The following ADGRD1 variants were observed in gnomAD, a reference collection of about 807,000 sequenced individuals.
ADGRD1 encodes adhesion G protein-coupled receptor D1, also known as G-protein coupled receptor 133.
ADGRD1 carries 77 observed loss-of-function variants against 113.4 expected under a neutral mutation model. That is an observed-to-expected ratio of 0.68 (90% CI 0.57 to 0.82). ADGRD1 has a LOEUF of 0.82. Ranked by LOEUF, ADGRD1 falls within the 40% of genes least tolerant of loss-of-function variation. The pLI is 0.00. For synonymous variants in ADGRD1, 474 were observed against 475.0 expected, an observed-to-expected ratio of 1.00 and a Z score of 0.03; for missense variants, 1,036 against 1,139.1, an observed-to-expected ratio of 0.91 and a Z score of 1.30.
intron 18 of ADGRD1, among the ~76,000 whole-genome samples, chr12:131,111,103 T>C (rs1950336690): frequency 6.6e-6 from 1 of 152,120 alleles, no homozygotes; most frequent in South Asian, 2.1e-4. Flanking sequence ...TTTACTTTTT[T>C]TTTTTCTTTT....
intron 18 of ADGRD1, among the ~76,000 whole-genome samples, chr12:131,112,981 G>C (rs575631373): frequency 6.6e-6 from 1 of 152,286 alleles, no homozygotes; most frequent in East Asian, 1.9e-4. Context: ...CAAAGTTGGG[G>C]GGAATGAGAA....
At chr12:131,025,233 G>A (rs1022061444) in intron 13 of ADGRD1, among the ~76,000 whole-genome samples, 1 of 152,210 alleles carries the variant, frequency 6.6e-6, no homozygotes, top group African/African-American at 2.4e-5. Flanking sequence ...TTATCATACC[G>A]AAAGAGGATG....
intron 13 of ADGRD1, among the ~76,000 whole-genome samples, chr12:131,032,446 G>A (rs189153995): frequency 1.7e-4 from 26 of 152,100 alleles, no homozygotes; most frequent in Admixed American, 1.4e-3. Context: ...TGCCTCCGCT[G>A]ACACGTCCCC....
intron 13 of ADGRD1, among the ~76,000 whole-genome samples, chr12:131,045,797 C>A (rs1198079458): frequency 6.6e-6 from 1 of 152,138 alleles, no homozygotes; most frequent in Non-Finnish European, 1.5e-5. Flanking sequence ...GAGGGAGCTG[C>A]CCTGCGGTCC....
Position 131,115,957 on chromosome 12 carries a change from C to T in ADGRD1, c.2042-2428C>T, listed in dbSNP as rs1280160950. Among the ~76,000 whole-genome samples, 4 of 152,216 alleles carry T rather than the reference C, an allele frequency of 2.6e-5. 1 individual carries two copies. Among genetic ancestry groups the T allele is most frequent in the East Asian group, 3.9e-4 (2 of 5,162 alleles). On this transcript the variant is annotated intron_variant, in intron 18 of 24. Transcript: ENST00000261654. ...TTCCTTGTAGATGCACAGCTGGTCCCGGGCAGCCCCAGGAATAGAACGAGG... is the reference window on the plus strand; with the variant it reads ...TTCCTTGTAGATGCACAGCTGGTCCTGGGCAGCCCCAGGAATAGAACGAGG...
intron 15 of ADGRD1, among the ~76,000 whole-genome samples, chr12:131,101,373 C>CTTTTTTTTTTTTTTT (rs796951608): frequency 2.5e-5 from 2 of 79,352 alleles, no homozygotes; most frequent in Non-Finnish European, 4.7e-5. Flanking sequence ...CTTTTTCTTT[C>CTTTTTTTTTTTTTTT]TTTCTTTTTT....
At chr12:131,006,426 C>G (rs1403970648) in intron 12 of ADGRD1, among the ~76,000 whole-genome samples, 1 of 152,236 alleles carries the variant, frequency 6.6e-6, no homozygotes, top group African/African-American at 2.4e-5. Context: ...CATTTCACAT[C>G]AGCTTAAGTG....
In ADGRD1 at chr12:131,076,894, G is replaced by T; in HGVS notation, c.1547+20G>T. 6.2e-7 allele frequency: 1 copy of T among 1,606,946 alleles called. No homozygotes were observed. Among genetic ancestry groups the T allele is most frequent in the Non-Finnish European group, 8.5e-7 (1 of 1,173,384 alleles). On this transcript the variant is annotated intron_variant, in intron 14 of 24. Coordinates refer to ENST00000261654, the MANE Select transcript of ADGRD1 (RefSeq NM_198827.5). The stretch of plus-strand genomic sequence containing the variant: ...CTTCAGGTACCCTCTGCACAGGGGA[G>T]AGCAGGTGGGCATGAGGTGTCCAAG...
At position 131,000,384 on chromosome 12, in the gene ADGRD1, CCTT is replaced by C; in HGVS notation, c.972_974del (p.Phe324del). 3 of 1,612,786 alleles carry C rather than the reference CCTT, an allele frequency of 1.9e-6. No homozygotes were observed. The highest frequency in any genetic ancestry group is 2.5e-6 in the Non-Finnish European group (3 of 1,178,992). On this transcript the variant is annotated inframe_deletion and splice_region_variant, in exon 9 of 25. Coordinates refer to ENST00000261654, the MANE Select transcript of ADGRD1 (RefSeq NM_198827.5). ...CAGTGTCATTTTGTCCACCTTTAGA[CCTT>C]CTTAAAAGCCGTGGGAGAGATCCTT... is the stretch of plus-strand genomic sequence containing the variant.
intron 2 of ADGRD1, among the ~76,000 whole-genome samples, chr12:130,960,886 G>A (rs1870269293): frequency 6.6e-6 from 1 of 152,146 alleles, no homozygotes; most frequent in Non-Finnish European, 1.5e-5. Context: ...ATGAGGGGAG[G>A]GGTCCTGTGA....
intron 13 of ADGRD1, among the ~76,000 whole-genome samples, chr12:131,029,346 T>C (rs1470916202): frequency 6.6e-6 from 1 of 152,192 alleles, no homozygotes; most frequent in African/African-American, 2.4e-5. Context: ...TGCCTCCCTC[T>C]GTCAAGATCC....
rs537475034 is a variant in ADGRD1, at chr12:131,077,573, G to A, written c.1547+699G>A. ...CGTGAATGGCTCCCACAGTCACAGCGGTGTTGAAAACTCAGCTCCCCGCAG... is the reference window on the plus strand; with the variant it reads ...CGTGAATGGCTCCCACAGTCACAGCAGTGTTGAAAACTCAGCTCCCCGCAG... On this transcript the variant is annotated intron_variant, in intron 14 of 24. Transcript: ENST00000261654. Among the ~76,000 whole-genome samples, 8 of 152,178 alleles carry A rather than the reference G, an allele frequency of 5.3e-5. No homozygotes were observed. In the South Asian group the frequency reaches 6.3e-4, roughly 12 times the overall value.
chr12:131,125,635 G>A (rs1950722656), intron 20 of ADGRD1, among the ~76,000 whole-genome samples: 1 of 152,208 alleles, frequency 6.6e-6, no homozygotes, highest in South Asian at 2.1e-4. Flanking sequence ...CATTGCTATA[G>A]ATGCATAGGT....
chr12:131,079,311 G>C (rs907071294), intron 14 of ADGRD1, among the ~76,000 whole-genome samples: 15 of 152,182 alleles, frequency 9.9e-5, no homozygotes, highest in Non-Finnish European at 2.9e-5. Context: ...TATGATTAAA[G>C]CTGGAAGTTT....
chr12:131,001,821 C>T (rs1017906210), intron 9 of ADGRD1, among the ~76,000 whole-genome samples: 4 of 152,156 alleles, frequency 2.6e-5, no homozygotes, highest in Non-Finnish European at 4.4e-5. Flanking sequence ...CCAACCACAC[C>T]ACCATGATAT....
At chr12:130,996,732 C>T (rs1328190118) in intron 8 of ADGRD1, among the ~76,000 whole-genome samples, 5 of 94,458 alleles carry the variant, frequency 5.3e-5, no homozygotes, top group African/African-American at 1.2e-4. Context: ...CCCTCCCGGA[C>T]GGGGTGGCTG....
At chr12:131,078,742 T>C (rs1885840839) in intron 14 of ADGRD1, among the ~76,000 whole-genome samples, 1 of 152,322 alleles carries the variant, frequency 6.6e-6, no homozygotes, top group East Asian at 1.9e-4. Flanking sequence ...TCACAGATGA[T>C]GTTAACGAAC....
intron 22 of ADGRD1, 104 bp from the exon 23 acceptor site, chr12:131,136,867 AGT>A (rs1384540187): frequency 1.1e-6 from 1 of 896,990 alleles, no homozygotes; most frequent in Non-Finnish European, 1.9e-6. Flanking sequence ...CTGGTGTCAC[AGT>A]GTGCGGTGCC....
intron 13 of ADGRD1, among the ~76,000 whole-genome samples, chr12:131,051,451 G>A (rs1883375212): frequency 6.6e-6 from 1 of 150,556 alleles, no homozygotes; most frequent in Non-Finnish European, 1.5e-5. Flanking sequence ...CCTTGAGAGA[G>A]CAGTGGATAT....
Sources: allele counts gnomAD v4.1 joint callset (sites outside exome capture counted in the v4.1 genomes callset), GRCh38; gene constraint gnomAD v4.1.1; transcripts MANE v1.5; gene names NCBI Gene and HGNC (gene_info 2026-07-23, HGNC 2026-07-21).